DISC1: variants seen among roughly 807,000 people sequenced by gnomAD.
DISC1 encodes the protein DISC1 scaffold protein, also known as disrupted in schizophrenia 1 protein.
A neutral mutation model predicts 84.5 loss-of-function variants in DISC1; 57 were observed. That is an observed-to-expected ratio of 0.67 (90% CI 0.55 to 0.84). DISC1 has a LOEUF of 0.84. DISC1 is among the 40% of genes least tolerant of loss of function. The pLI, the probability that DISC1 is intolerant of heterozygous loss-of-function variation, is 0.00. For missense variants in DISC1, 1,000 were observed against 1,057.8 expected, an observed-to-expected ratio of 0.95 and a Z score of 0.76; for synonymous variants, 411 against 415.2, an observed-to-expected ratio of 0.99 and a Z score of 0.12.
At position 231,845,453 on chromosome 1, in the gene DISC1, G is replaced by A. The variant is rs192250964; in HGVS notation, c.1981+26936G>A. Among the ~76,000 whole-genome samples, 222 of 152,254 alleles carry A rather than the reference G, an allele frequency of 1.5e-3. 3 individuals carry two copies. Among genetic ancestry groups the A allele is most frequent in the African/African-American group, 5.1e-3 (212 of 41,550 alleles). ...AGGTCTGCTGTGGTGCCTTGAAGGT[G>A]GGGAGACCTGGCACGGGGAACACAG... On this transcript the variant is annotated intron_variant, in intron 9 of 12. Transcript: ENST00000439617.
At chr1:231,643,413 C>T (rs2059888748) in intron 1 of DISC1, among the ~76,000 whole-genome samples, 1 of 152,134 alleles carries the variant, frequency 6.6e-6, no homozygotes, top group South Asian at 2.1e-4. Context: ...GGACTGGGCA[C>T]ACACACTGTA....
At chr1:231,818,958 A>C in intron 9 of DISC1, 1 of 1,000,356 alleles carries the variant, frequency 1.0e-6, no homozygotes, top group Non-Finnish European at 1.2e-6. Flanking sequence ...GACTTTTCTG[A>C]GAGCTTCTTT....
At chr1:231,824,189 G>A (rs921247351) in intron 9 of DISC1, among the ~76,000 whole-genome samples, 1 of 152,132 alleles carries the variant, frequency 6.6e-6, no homozygotes, top group African/African-American at 2.4e-5. Flanking sequence ...TAGTGCTCTT[G>A]ATAACAGAGG....
intron 9 of DISC1, among the ~76,000 whole-genome samples, chr1:231,861,790 GT>G (rs2084672546): frequency 6.6e-6 from 1 of 152,124 alleles, no homozygotes; most frequent in African/African-American, 2.4e-5. Context: ...TTCAATGAAT[GT>G]TTTAAGAGTC....
rs1044731846 is a variant in DISC1 at position 231,943,106 on chromosome 1, G to T, written c.1982-15722G>T. On this transcript the variant is annotated intron_variant, in intron 9 of 12. Transcript: ENST00000439617. Reference sequence around the variant, plus strand: ...CCCAAGGCCCCTATACTATATATCTGCATATTTTCAGAGATAAATCAGTCT... The same window carrying T: ...CCCAAGGCCCCTATACTATATATCTTCATATTTTCAGAGATAAATCAGTCT... Among the ~76,000 whole-genome samples, 7 of 152,338 alleles carry T rather than the reference G, an allele frequency of 4.6e-5. No individual in the cohort carries two copies. The South Asian group carries it at 1.4e-3, about 32-fold the overall frequency.
At chr1:231,964,684 G>T (rs1276479210) in intron 10 of DISC1, among the ~76,000 whole-genome samples, 1 of 152,220 alleles carries the variant, frequency 6.6e-6, no homozygotes, top group Non-Finnish European at 1.5e-5. Flanking sequence ...CAGACACTCT[G>T]TGGGCTCCAC....
chr1:232,004,392 A>G (rs1217369104), intron 10 of DISC1, among the ~76,000 whole-genome samples: 8 of 151,670 alleles, frequency 5.3e-5, no homozygotes, highest in Non-Finnish European at 1.2e-4. Flanking sequence ...GAGATCTACG[A>G]ACAAGTAATT....
chr1:231,669,372 A>G lies in DISC1; in HGVS notation c.68-24454A>G, dbSNP rs371260864. Among the ~76,000 whole-genome samples, 4 of 152,354 alleles carry G rather than the reference A, an allele frequency of 2.6e-5. No homozygotes were observed. In the East Asian group the frequency reaches 5.8e-4, roughly 22 times the overall value. ...TTGCAACAAAAGCAAAAATTGACAA[A>G]TTGGATCTAATTAAACTTAAGAGCT... On this transcript the variant is annotated intron_variant, in intron 1 of 12. Transcript: ENST00000439617.
chr1:231,963,323 T>G (rs1456496534), intron 10 of DISC1, among the ~76,000 whole-genome samples: 2 of 152,164 alleles, frequency 1.3e-5, no homozygotes, highest in Non-Finnish European at 2.9e-5. Flanking sequence ...AGAGAAATAT[T>G]CGATTGAATC....
chr1:231,837,279 T>C (rs1206355664), intron 9 of DISC1, among the ~76,000 whole-genome samples: 1 of 152,236 alleles, frequency 6.6e-6, no homozygotes, highest in Non-Finnish European at 1.5e-5. Context: ...CCATTAGGTA[T>C]ATAAACCAGC....
intron 8 of DISC1, among the ~76,000 whole-genome samples, chr1:231,803,701 C>G (rs997728115): frequency 6.6e-6 from 1 of 152,078 alleles, no homozygotes; most frequent in African/African-American, 2.4e-5. Flanking sequence ...ATAATCCCAG[C>G]ACTTTGGGAG....
chr1:231,836,168 C>T (rs1471913534), intron 9 of DISC1, among the ~76,000 whole-genome samples: 1 of 152,210 alleles, frequency 6.6e-6, no homozygotes, highest in East Asian at 1.9e-4. Context: ...TTTTGTACTT[C>T]ACTGTCTTTG....
intron 12 of DISC1, among the ~76,000 whole-genome samples, chr1:232,029,366 A>G (rs1455510052): frequency 6.6e-6 from 1 of 152,238 alleles, no homozygotes; most frequent in Non-Finnish European, 1.5e-5. Flanking sequence ...GCCCTAAGAT[A>G]GAAAGACATG....
chr1:231,745,477 C>A, intron 3 of DISC1: 1 of 230,612 alleles, frequency 4.3e-6, no homozygotes, highest in South Asian at 4.3e-5. Flanking sequence ...CTGCTTCGGC[C>A]TCCCAAAGTG....
intron 9 of DISC1, among the ~76,000 whole-genome samples, chr1:231,952,605 T>A (rs1389779575): frequency 6.6e-6 from 1 of 151,224 alleles, no homozygotes; most frequent in African/African-American, 2.4e-5. Context: ...CCAATGTAGA[T>A]ATATGCTTTA....
chr1:231,886,823 CTTT>C, intron 9 of DISC1, among the ~76,000 whole-genome samples: 1 of 130,050 alleles, frequency 7.7e-6, no homozygotes. Flanking sequence ...TTCTTTCTTT[CTTT>C]CTTTCTTTCC....
At position 232,009,487 on chromosome 1, in the gene DISC1, A is replaced by G; in HGVS notation, c.2307+438A>G. 1.5e-6 allele frequency: 1 copy of G among 661,218 alleles called. No homozygotes were observed. Among genetic ancestry groups the G allele is most frequent in the Non-Finnish European group, 1.9e-6 (1 of 535,178 alleles). The allele number at this position is 661,218 out of a possible 1,614,324, so 41.0% of individuals were successfully genotyped here. ...ATATTTAGAATCTATATATTACAAT[A>G]TATTATTATTTATTTGAATGAAACA... is the stretch of plus-strand genomic sequence containing the variant. On this transcript the variant is annotated intron_variant, in intron 11 of 12. Coordinates refer to ENST00000439617, the MANE Select transcript of DISC1 (RefSeq NM_018662.3). This position sits in a 1 kb window ranked among gnomAD's most constrained non-coding sequence, Gnocchi z 4.6.
chr1:231,758,007 G>A (rs2075307886), intron 4 of DISC1, among the ~76,000 whole-genome samples: 1 of 151,710 alleles, frequency 6.6e-6, no homozygotes, highest in Non-Finnish European at 1.5e-5. Context: ...GAGGGGTGGG[G>A]GTGGATAATG....
chr1:231,799,737 A>G (rs894849703), intron 7 of DISC1, among the ~76,000 whole-genome samples: 3 of 151,238 alleles, frequency 2.0e-5, no homozygotes, highest in African/African-American at 7.3e-5. Flanking sequence ...AGCTCCTATC[A>G]GTTTTGTAAT....
Sources: gnomAD v4.1 joint callset for allele counts (sites outside exome capture counted in the v4.1 genomes callset) on GRCh38, gnomAD v4.1.1 for gene constraint, Gnocchi (gnomAD v3.1) non-coding constraint, MANE v1.5 for transcripts, NCBI Gene and HGNC (gene_info 2026-07-23, HGNC 2026-07-21) for gene names.